The following PALD1 variants were observed in gnomAD, a reference collection of about 807,000 sequenced individuals.
The protein encoded by PALD1 is phosphatase domain containing paladin 1.
Under a neutral mutation model 96.0 loss-of-function variants are expected in PALD1, and 57 were observed. That is an observed-to-expected ratio of 0.59 (90% CI 0.48 to 0.74). PALD1 has a LOEUF of 0.74. PALD1 is among the 30% of genes least tolerant of loss of function. PALD1 has a pLI of 0.00. For synonymous variants in PALD1, 464 were observed against 473.6 expected, an observed-to-expected ratio of 0.98 and a Z score of 0.26; for missense variants, 1,063 against 1,143.7, an observed-to-expected ratio of 0.93 and a Z score of 1.02.
At chr10:70,537,071 G>C (rs1043892097) in intron 10 of PALD1, among the ~76,000 whole-genome samples, 6 of 152,068 alleles carry the variant, frequency 3.9e-5, no homozygotes, top group Non-Finnish European at 7.4e-5. Flanking sequence ...ACTGCTGTGA[G>C]GGTCTTTGTA....
intron 17 of PALD1, 22 bp downstream of exon 17, chr10:70,541,556 C>T: frequency 3.2e-6 from 5 of 1,586,934 alleles, no homozygotes; most frequent in Non-Finnish European, 4.3e-6. Context: ...CTGCGGGGTC[C>T]CTGAGGCACC....
At chr10:70,510,379 T>C (rs939892793) in intron 1 of PALD1, among the ~76,000 whole-genome samples, 4 of 152,202 alleles carry the variant, frequency 2.6e-5, no homozygotes, top group Admixed American at 6.5e-5. Flanking sequence ...TAGGCCACTC[T>C]GAGTTTCTGC....
Position 70,546,239 on chromosome 10 carries a change from G to GCAAAA in PALD1, c.2122-1046_2122-1042dup, listed in dbSNP as rs753731918. Among the ~76,000 whole-genome samples, 22 of 152,154 alleles carry GCAAAA rather than the reference G, an allele frequency of 1.4e-4. No individual in the cohort carries two copies. In the East Asian group the frequency reaches 1.5e-3, roughly 11 times the overall value. ...GTGACAGGGCGAGACTCCATCTCAA[G>GCAAAA]CAAAACAAAACAAAACAAAACAAAA... On this transcript the variant is annotated intron_variant, in intron 17 of 19. Transcript: ENST00000263563.
At chr10:70,483,662 G>A (rs566009903) in intron 1 of PALD1, among the ~76,000 whole-genome samples, 2 of 152,316 alleles carry the variant, frequency 1.3e-5, no homozygotes, top group Admixed American at 6.5e-5. Flanking sequence ...GGGCTGTGCC[G>A]GCCTCTGTCT....
rs1196902841 is a variant in PALD1 at position 70,479,052 on chromosome 10, G to T, written c.-37G>T. The stretch of plus-strand genomic sequence containing the variant: ...GCACGGATGCCCCCCGGAGCCGCGG[G>T]CTGGCAGGTACCGAAGTGTCCTGCC... On this transcript the variant is annotated 5_prime_UTR_variant, in exon 1 of 20. Transcript: ENST00000263563. The T allele has an allele frequency of 6.6e-6, 1 of 152,174 alleles. No homozygotes were observed. The highest frequency in any genetic ancestry group is 2.4e-5 in the African/African-American group (1 of 41,454). 9.4% of individuals were successfully genotyped at this position (152,174 alleles called of 1,614,324 possible).
the PALD1 span, among the ~76,000 whole-genome samples, chr10:70,462,777 C>T: frequency 1.3e-5 from 2 of 152,244 alleles, no homozygotes; most frequent in Non-Finnish European, 2.9e-5. Context: ...GGCCTGCAGG[C>T]GGGGACAGTG....
upstream of PALD1, among the ~76,000 whole-genome samples, chr10:70,476,707 C>T (rs1307220251): frequency 6.6e-6 from 1 of 152,098 alleles, no homozygotes; most frequent in Non-Finnish European, 1.5e-5. Context: ...TCAACAAGAA[C>T]ACCTACTGTG....
intron 1 of PALD1, among the ~76,000 whole-genome samples, chr10:70,481,531 G>T (rs1845932240): frequency 6.6e-6 from 1 of 152,216 alleles, no homozygotes; most frequent in Non-Finnish European, 1.5e-5. Context: ...GGTGCTCTTT[G>T]AATTTTGATT....
intron 4 of PALD1, 92 bp from the exon 5 acceptor site, chr10:70,531,198 C>G: frequency 9.4e-7 from 1 of 1,065,698 alleles, no homozygotes. Flanking sequence ...GAGGAAGGAA[C>G]AGCTTGGGCA....
intron 17 of PALD1, among the ~76,000 whole-genome samples, chr10:70,545,543 C>A (rs776315030): frequency 3.3e-5 from 5 of 151,996 alleles, no homozygotes; most frequent in Non-Finnish European, 7.4e-5. Context: ...CATAGAGTAA[C>A]CTAAACAGGC....
chr10:70,506,892 G>T (rs903334512), intron 1 of PALD1, among the ~76,000 whole-genome samples: 1 of 152,098 alleles, frequency 6.6e-6, no homozygotes, highest in Non-Finnish European at 1.5e-5. Flanking sequence ...CTTCTCACCT[G>T]GGGGTGGGGG....
the PALD1 span, among the ~76,000 whole-genome samples, chr10:70,467,641 T>C: frequency 3.3e-5 from 5 of 152,278 alleles, 2 homozygotes; most frequent in Admixed American, 3.3e-4. Flanking sequence ...CAGAGAGGGC[T>C]GGGGAACACT....
intron 2 of PALD1, 86 bp from the exon 3 acceptor site, chr10:70,529,143 C>A: frequency 1.6e-6 from 1 of 640,280 alleles, no homozygotes; most frequent in Non-Finnish European, 2.8e-6. Flanking sequence ...GGTTTTCCTG[C>A]GGTGGGCTCT....
intron 17 of PALD1, among the ~76,000 whole-genome samples, chr10:70,545,756 A>C (rs56238230): frequency 0.17 from 26,100 of 151,712 alleles, 2,873 homozygotes; most frequent in Admixed American, 0.3. Context: ...GAATTATATC[A>C]GATGAGTGGT....
chr10:70,469,065 G>A, the PALD1 span, among the ~76,000 whole-genome samples: 3 of 152,144 alleles, frequency 2.0e-5, no homozygotes, highest in African/African-American at 7.2e-5. Flanking sequence ...TGTTCCTTCT[G>A]AGCCTTGGCC....
At chr10:70,551,196 C>T (rs373557408) in intron 18 of PALD1, among the ~76,000 whole-genome samples, 1 of 152,334 alleles carries the variant, frequency 6.6e-6, no homozygotes, top group South Asian at 2.1e-4. Context: ...AGAAAGGCAG[C>T]GGCCCCTACC....
rs111798100 is a variant in PALD1, at chr10:70,493,102, G to T, written c.-30+14043G>T. ...CTGCCCCCCTACCTTGGCTCATTCC[G>T]GCCCTTTCCAGCTGCCGCTGCTGCT... On this transcript the variant is annotated intron_variant, in intron 1 of 19. Transcript: ENST00000263563. 8.1e-3 allele frequency among the ~76,000 whole-genome samples: 1,240 copies of T among 152,246 alleles called. 20 individuals are homozygous for T. Among genetic ancestry groups the T allele is most frequent in the African/African-American group, 0.028 (1,181 of 41,540 alleles).
At position 70,541,521 on chromosome 10, in the gene PALD1, A is replaced by G. The variant is rs759719797; in HGVS notation, c.2108A>G (p.Lys703Arg). 6.8e-6 allele frequency: 11 copies of G among 1,613,230 alleles called. No homozygotes were observed. Among genetic ancestry groups the G allele is most frequent in the Non-Finnish European group, 9.3e-6 (11 of 1,179,538 alleles). ...LVSVPDAKFT[K>R]GEFQVVMKVV... ...AGTGTGCCTGATGCCAAGTTCACTA[A>G]GGGTGAATTTCAGGTGAGCATGCCC... is the stretch of plus-strand genomic sequence containing the variant. The change falls in exon 17 of 20, where the codon AAG becomes AGG. Residue 703 changes from lysine (K) to arginine (R), a missense_variant. Physicochemically the swap from Lys to Arg is conservative, Grantham distance 26 (BLOSUM62 2). Coordinates refer to ENST00000263563, the MANE Select transcript of PALD1 (RefSeq NM_014431.3).
Position 70,539,780 on chromosome 10 carries a change from G to C in PALD1, c.1908+18G>C, listed in dbSNP as rs1847203092. ...GAGAGGAGGTGAGGGTGCTGCTCAG[G>C]CTGAGGCCTCTGGGGAGGGACAGGA... On this transcript the variant is annotated intron_variant, in intron 15 of 19. Coordinates refer to ENST00000263563, the MANE Select transcript of PALD1 (RefSeq NM_014431.3). The surrounding 1 kb of genome is among the most constrained non-coding windows in gnomAD (Gnocchi z 4.5). 1 of 1,598,428 alleles carries C rather than the reference G, an allele frequency of 6.3e-7. No homozygotes were observed.
Sources: gnomAD v4.1 joint callset for allele counts (sites outside exome capture counted in the v4.1 genomes callset) on GRCh38, gnomAD v4.1.1 for gene constraint, Gnocchi (gnomAD v3.1) non-coding constraint, MANE v1.5 for transcripts, NCBI Gene and HGNC (gene_info 2026-07-23, HGNC 2026-07-21) for gene names.